Variants in DOCK3 observed in about 807,000 individuals in gnomAD.
DOCK3 encodes dedicator of cytokinesis protein 3.
Under a neutral mutation model 265.6 loss-of-function variants are expected in DOCK3, and 60 were observed. The ratio of observed to expected loss-of-function variants is 0.23; its 90% CI spans 0.18 to 0.28. The LOEUF is 0.28. DOCK3 is among the 10% of genes least tolerant of loss of function. The pLI is 1.00. For synonymous variants in DOCK3, 881 were observed against 938.0 expected (o/e 0.94, Z 1.11); for missense variants, 1,981 against 2,594.3 (o/e 0.76, Z 5.14).
At chr3:51,034,852 G>A (rs1270728474) in intron 5 of DOCK3, among the ~76,000 whole-genome samples, 3 of 151,872 alleles carry the variant, frequency 2.0e-5, no homozygotes, top group Non-Finnish European at 4.4e-5. Flanking sequence ...TTTATTTCTA[G>A]ATATAGAATT....
At chr3:51,005,251 C>A (rs551001835) in intron 5 of DOCK3, among the ~76,000 whole-genome samples, 1 of 152,062 alleles carries the variant, frequency 6.6e-6, no homozygotes, top group East Asian at 1.9e-4. Flanking sequence ...TGGGTTTTTT[C>A]TTCTGACTCA....
Position 51,077,775 on chromosome 3 carries a change from C to T in DOCK3, c.549+2335C>T, listed in dbSNP as rs2082101968. ...TTGGGATTCCTTTTAGACATCCCAC[C>T]AGAGATGCTGAAAGTCTAGAGCTCA... On this transcript the variant is annotated intron_variant, in intron 7 of 52. Coordinates refer to ENST00000266037, the MANE Select transcript of DOCK3 (RefSeq NM_004947.5). 2.6e-5 allele frequency among the ~76,000 whole-genome samples: 4 copies of T among 152,092 alleles called. 1 individual carries two copies. The South Asian group carries it at 8.3e-4, about 32-fold the overall frequency.
At chr3:50,918,075 C>T (rs965094938) in intron 4 of DOCK3, among the ~76,000 whole-genome samples, 3 of 152,064 alleles carry the variant, frequency 2.0e-5, no homozygotes, top group Admixed American at 6.6e-5. Context: ...CATGTCCCTA[C>T]AAAGGACATG....
rs1367258422 is a variant in DOCK3, at chr3:51,001,004, G to A, written c.316-63444G>A. Among the ~76,000 whole-genome samples, 2 of 152,196 alleles carry A rather than the reference G, an allele frequency of 1.3e-5. 1 individual carries two copies. Among genetic ancestry groups the A allele is most frequent in the African/African-American group, 4.8e-5 (2 of 41,454 alleles). ...AGTTAATTTATTTTTATCCTGAGTA[G>A]TACTCCATTTGATGGACATCCCACA... On this transcript the variant is annotated intron_variant, in intron 5 of 52. Coordinates refer to ENST00000266037, the MANE Select transcript of DOCK3 (RefSeq NM_004947.5).
rs944048701 is a variant in DOCK3 at position 51,197,196 on chromosome 3, G to A, written c.1038-11578G>A. On this transcript the variant is annotated intron_variant, in intron 12 of 52. Coordinates refer to ENST00000266037, the MANE Select transcript of DOCK3 (RefSeq NM_004947.5). ...AGTTGTTAGTTAAGGCTGTGGGGAA[G>A]TTGTGCTGGGGACTAGGATGCCAGG... 4.6e-5 allele frequency among the ~76,000 whole-genome samples: 7 copies of A among 152,192 alleles called. 1 individual carries two copies. Among genetic ancestry groups the A allele is most frequent in the Admixed American group, 3.9e-4 (6 of 15,284 alleles).
At chr3:50,700,475 A>G (rs757314934) in intron 1 of DOCK3, among the ~76,000 whole-genome samples, 1 of 152,002 alleles carries the variant, frequency 6.6e-6, no homozygotes, top group Non-Finnish European at 1.5e-5. Context: ...TCTACTCTCT[A>G]CATCCATGAG....
chr3:51,221,821 C>T (rs142425566), intron 14 of DOCK3, among the ~76,000 whole-genome samples: 5 of 152,192 alleles, frequency 3.3e-5, no homozygotes, highest in East Asian at 3.9e-4. Context: ...AGGAGAGACC[C>T]GTCATCAGGG....
chr3:51,096,026 T>G (rs1043395726), intron 9 of DOCK3, among the ~76,000 whole-genome samples: 3 of 152,018 alleles, frequency 2.0e-5, no homozygotes, highest in African/African-American at 4.8e-5. Flanking sequence ...AACCCGACCT[T>G]TTCCTCTGGT....
At chr3:50,996,320 C>T (rs1226096589) in intron 5 of DOCK3, among the ~76,000 whole-genome samples, 2 of 151,778 alleles carry the variant, frequency 1.3e-5, no homozygotes, top group Non-Finnish European at 2.9e-5. Context: ...TGGGTTCATG[C>T]CATTCTCCTG....
At chr3:51,252,811 G>A (rs1010152035) in intron 22 of DOCK3, among the ~76,000 whole-genome samples, 3 of 152,210 alleles carry the variant, frequency 2.0e-5, no homozygotes, top group African/African-American at 7.2e-5. Flanking sequence ...TCTGCAAACA[G>A]GGACAATTTG....
Position 51,312,775 on chromosome 3 carries a change from A to G in DOCK3, c.3195-69A>G, listed in dbSNP as rs139501427. On this transcript the variant is annotated intron_variant, in intron 30 of 52. Transcript: ENST00000266037. ...CAAACAGTGCTGAAGTCCTGGCCTC[A>G]TGGGTTTGCAGCCCTATCCTCCTGA... is the stretch of plus-strand genomic sequence containing the variant. The G allele has an allele frequency of 6.0e-6, 9 of 1,502,382 alleles. No individual in the cohort carries two copies. In the African/African-American group the frequency reaches 8.3e-5, roughly 14 times the overall value. 93.1% of individuals were successfully genotyped at this position (1,502,382 alleles called of 1,614,324 possible). A position where few individuals can be genotyped will look rare whatever the true frequency, so the allele number is the denominator to read the frequency against.
chr3:50,750,317 C>T (rs2039711702), intron 1 of DOCK3, among the ~76,000 whole-genome samples: 1 of 140,276 alleles, frequency 7.1e-6, no homozygotes. Flanking sequence ...TACAGTCTAC[C>T]TTTGATTTTT....
intron 44 of DOCK3, 102 bp downstream of exon 44, chr3:51,357,243 C>T (rs2086426241): frequency 7.7e-7 from 1 of 1,298,958 alleles, no homozygotes; most frequent in Middle Eastern, 2.8e-4. Context: ...GTAGCCTTCC[C>T]TACATGCCCT....
At chr3:51,263,234 C>G (rs2079957772) in intron 23 of DOCK3, among the ~76,000 whole-genome samples, 1 of 152,196 alleles carries the variant, frequency 6.6e-6, no homozygotes, top group Non-Finnish European at 1.5e-5. Flanking sequence ...TGCAGAAACC[C>G]TACAAACCAG....
At chr3:51,268,296 C>G (rs2080309023) in intron 23 of DOCK3, among the ~76,000 whole-genome samples, 1 of 152,162 alleles carries the variant, frequency 6.6e-6, no homozygotes, top group Non-Finnish European at 1.5e-5. Context: ...CCACTGCACT[C>G]CAGCCTGGGC....
intron 1 of DOCK3, among the ~76,000 whole-genome samples, chr3:50,752,721 A>G (rs2039910789): frequency 6.6e-6 from 1 of 151,722 alleles, no homozygotes; most frequent in Admixed American, 6.6e-5. Context: ...GAGGTTGCAC[A>G]GAGCCGAGAT....
chr3:50,679,634 C>T lies in DOCK3; in HGVS notation c.37+4334C>T, dbSNP rs569972718. ...AACCAGATCTGGAAGAATTAGTGTT[C>T]ACAAAATTTGAGTAAATCTGTTGGT... On this transcript the variant is annotated intron_variant, in intron 1 of 52. Transcript: ENST00000266037. 2.9e-3 allele frequency among the ~76,000 whole-genome samples: 438 copies of T among 152,208 alleles called. 2 individuals carry two copies. Among genetic ancestry groups the T allele is most frequent in the Admixed American group, 7.1e-3 (109 of 15,282 alleles).
At chr3:51,205,926 A>G (rs2089181789) in intron 12 of DOCK3, among the ~76,000 whole-genome samples, 1 of 152,232 alleles carries the variant, frequency 6.6e-6, no homozygotes, top group Non-Finnish European at 1.5e-5. Context: ...CTGCAAATGA[A>G]TCTGCATGAC....
chr3:51,301,470 G>GGTTCTCTA (rs1223899573), intron 27 of DOCK3, among the ~76,000 whole-genome samples: 3 of 150,980 alleles, frequency 2.0e-5, no homozygotes, highest in Non-Finnish European at 4.4e-5. Context: ...GTTTGCTCTT[G>GGTTCTCTA]GTTCTCTAGT....
Sources: gnomAD v4.1 joint callset for allele counts (sites outside exome capture counted in the v4.1 genomes callset) on GRCh38, gnomAD v4.1.1 for gene constraint, MANE v1.5 for transcripts, NCBI Gene and HGNC (gene_info 2026-07-23, HGNC 2026-07-21) for gene names.